Variants in LNX1 observed in about 807,000 individuals in gnomAD.
LNX1 encodes the protein ligand of numb-protein X 1, also known as E3 ubiquitin-protein ligase LNX.
Under a neutral mutation model 68.4 loss-of-function variants are expected in LNX1, and 54 were observed. The ratio of observed to expected loss-of-function variants is 0.79; its 90% CI spans 0.63 to 0.99. LNX1 has a LOEUF of 0.99. LNX1 is among the 50% of genes least tolerant of loss of function. The pLI is 0.00. For synonymous variants in LNX1, 336 were observed against 350.0 expected (o/e 0.96, Z 0.45); for missense variants, 906 against 926.4 (o/e 0.98, Z 0.29).
chr4:53,466,534 C>A (rs1179920035), intron 9 of LNX1, among the ~76,000 whole-genome samples: 1 of 152,180 alleles, frequency 6.6e-6, no homozygotes, highest in African/African-American at 2.4e-5. Context: ...CAAAGCAGGG[C>A]AAGGCGTCGC....
intron 9 of LNX1, among the ~76,000 whole-genome samples, chr4:53,472,697 AAAC>A (rs1419729922): frequency 5.9e-4 from 79 of 133,396 alleles, no homozygotes; most frequent in African/African-American, 1.1e-3. Context: ...AAAAAAAAAA[AAAC>A]AAAAAACAAT....
upstream of LNX1, among the ~76,000 whole-genome samples, chr4:53,618,473 T>C (rs1369110147): frequency 2.6e-5 from 4 of 152,188 alleles, no homozygotes; most frequent in Non-Finnish European, 5.9e-5. Context: ...GAACAAAAAC[T>C]GGAAATATCC....
intron 2 of LNX1, among the ~76,000 whole-genome samples, chr4:53,530,091 A>C (rs1308036148): frequency 6.6e-6 from 1 of 152,262 alleles, no homozygotes; most frequent in Non-Finnish European, 1.5e-5. Flanking sequence ...AGTGTTCTAA[A>C]GCTATTACAA....
chr4:53,589,823 C>A (rs1446313680), intron 1 of LNX1, among the ~76,000 whole-genome samples: 5 of 152,236 alleles, frequency 3.3e-5, no homozygotes, highest in Admixed American at 2.6e-4. Flanking sequence ...GAATTCCAGT[C>A]TTTGTCACTT....
intron 2 of LNX1, among the ~76,000 whole-genome samples, chr4:53,565,574 T>C (rs1730613953): frequency 6.6e-6 from 1 of 151,790 alleles, no homozygotes; most frequent in African/African-American, 2.4e-5. Flanking sequence ...AACTGGAAAC[T>C]CTAAAAATCA....
intron 2 of LNX1, among the ~76,000 whole-genome samples, chr4:53,541,434 C>T (rs1728757903): frequency 6.6e-6 from 1 of 152,146 alleles, no homozygotes; most frequent in Non-Finnish European, 1.5e-5. Context: ...AGATGACACA[C>T]TTGGTAGTTT....
intron 1 of LNX1, among the ~76,000 whole-genome samples, chr4:53,623,675 T>C (rs1352388751): frequency 3.3e-5 from 5 of 152,166 alleles, no homozygotes; most frequent in Non-Finnish European, 5.9e-5. Flanking sequence ...TATATGGCTA[T>C]GTTTTATTTT....
Position 53,579,018 on chromosome 4 carries a change from C to T in LNX1, c.-86-4930G>A, listed in dbSNP as rs115243128. Among the ~76,000 whole-genome samples, 1,339 of 152,254 alleles carry T rather than the reference C, an allele frequency of 8.8e-3. 12 individuals carry two copies. Among genetic ancestry groups the T allele is most frequent in the African/African-American group, 0.03 (1,255 of 41,544 alleles). On this transcript the variant is annotated intron_variant, in intron 1 of 10. Transcript: ENST00000263925. ...CGTTTTCAGACATATCAGAGCCTTGCTGCTGAATGGAGAAGAAATTATCAA... is the reference window on the plus strand; with the variant it reads ...CGTTTTCAGACATATCAGAGCCTTGTTGCTGAATGGAGAAGAAATTATCAA...
chr4:53,515,517 C>G (rs201002899), intron 2 of LNX1, among the ~76,000 whole-genome samples: 5 of 134,744 alleles, frequency 3.7e-5, no homozygotes, highest in South Asian at 2.8e-4. Flanking sequence ...GCCCCCACCC[C>G]ACCAAAAAAA....
At chr4:53,466,823 G>A (rs1446790214) in intron 9 of LNX1, among the ~76,000 whole-genome samples, 2 of 152,238 alleles carry the variant, frequency 1.3e-5, no homozygotes. Flanking sequence ...GGTAAAGAAA[G>A]TGGCCTGGAA....
chr4:53,513,560 G>C (rs1425774138), intron 2 of LNX1, among the ~76,000 whole-genome samples: 1 of 152,186 alleles, frequency 6.6e-6, no homozygotes, highest in Non-Finnish European at 1.5e-5. Context: ...CTTCCCACAT[G>C]TTCCTGTGTT....
At chr4:53,638,552 T>C (rs1338764240) in intron 1 of LNX1, among the ~76,000 whole-genome samples, 3 of 152,206 alleles carry the variant, frequency 2.0e-5, no homozygotes. Context: ...TTTCATACTA[T>C]CAGCAAGTGT....
intron 6 of LNX1, 106 bp downstream of exon 6, chr4:53,495,917 C>A (rs1725018014): frequency 7.5e-7 from 1 of 1,338,444 alleles, no homozygotes; most frequent in Non-Finnish European, 1.0e-6. Context: ...AAGGGAGGCA[C>A]TGCATGACAC....
chr4:53,550,389 G>A (rs1036831626), intron 2 of LNX1, among the ~76,000 whole-genome samples: 15 of 152,062 alleles, frequency 9.9e-5, no homozygotes, highest in African/African-American at 2.9e-4. Flanking sequence ...CCAGGTCCTC[G>A]TCCAAATTCT....
intron 6 of LNX1, among the ~76,000 whole-genome samples, chr4:53,485,133 T>C (rs985272778): frequency 6.6e-6 from 1 of 152,238 alleles, no homozygotes; most frequent in Non-Finnish European, 1.5e-5. Context: ...CTTTGTACTA[T>C]AAGCCTCCCT....
Position 53,636,263 on chromosome 4 carries a change from G to A in LNX1, c.-215+15905C>T, listed in dbSNP as rs1238709109. ...GGATGGATGCATGCTTGCCTCGGTC[G>A]AGCAAAAACAAAACTTCATTGTCTT... On this transcript the variant is annotated intron_variant, in intron 1 of 2. Coordinates refer to the LNX1 transcript ENST00000507168. 8.4e-5 allele frequency among the ~76,000 whole-genome samples: 12 copies of A among 142,910 alleles called. No homozygotes were observed. The Admixed American group carries it at 9.2e-4, about 11-fold the overall frequency. 93.8% of individuals were successfully genotyped at this position (142,910 alleles called of 152,430 possible). A position where few individuals can be genotyped will look rare whatever the true frequency, so the allele number is the denominator to read the frequency against.
intron 6 of LNX1, among the ~76,000 whole-genome samples, chr4:53,483,578 T>C (rs1455917747): frequency 6.6e-6 from 1 of 152,162 alleles, no homozygotes; most frequent in Admixed American, 6.5e-5. Flanking sequence ...ATCACTTTAG[T>C]AAAAGTTGAA....
At chr4:53,552,244 AG>A in intron 2 of LNX1, among the ~76,000 whole-genome samples, 1 of 152,286 alleles carries the variant, frequency 6.6e-6, no homozygotes, top group East Asian at 1.9e-4. Context: ...CCTAAAATGA[AG>A]GGCAGGTACT....
In LNX1 at chr4:53,632,139, A is replaced by T. The variant is rs1463806352; in HGVS notation, c.-215+20029T>A. Among the ~76,000 whole-genome samples the T allele has an allele frequency of 2.0e-5, 3 of 150,676 alleles. No individual in the cohort carries two copies. The East Asian group carries it at 5.9e-4, about 29-fold the overall frequency. Reference sequence around the variant, plus strand: ...AGACCTAGGGCTGCATTATGAGGAGACCTCCCCCAGCATGAGGTCCACTGC... The same window carrying T: ...AGACCTAGGGCTGCATTATGAGGAGTCCTCCCCCAGCATGAGGTCCACTGC... On this transcript the variant is annotated intron_variant, in intron 1 of 2. Coordinates refer to the LNX1 transcript ENST00000507168.
Sources: gnomAD v4.1 joint callset for allele counts (sites outside exome capture counted in the v4.1 genomes callset) on GRCh38, gnomAD v4.1.1 for gene constraint, MANE v1.5 for transcripts, NCBI Gene and HGNC (gene_info 2026-07-23, HGNC 2026-07-21) for gene names.